KCTD1: variants seen among roughly 807,000 people sequenced by gnomAD.
KCTD1 encodes the protein potassium channel tetramerization domain containing 1.
KCTD1 carries 24 observed loss-of-function variants against 66.0 expected under a neutral mutation model. The observed-to-expected ratio is 0.36, with a 90% CI of 0.26 to 0.51. The LOEUF (loss-of-function observed/expected upper bound fraction) is 0.51, where lower values mean the gene tolerates loss of function less well. Ranked by LOEUF, KCTD1 falls within the 20% of genes least tolerant of loss-of-function variation. The pLI is 0.95. For synonymous variants in KCTD1, 511 were observed against 517.2 expected (o/e 0.99, Z 0.16); for missense variants, 943 against 1,205.2 (o/e 0.78, Z 3.22).
chr18:26,586,095 C>T (rs942947674), intron 1 of KCTD1, among the ~76,000 whole-genome samples: 1 of 152,130 alleles, frequency 6.6e-6, no homozygotes, highest in Middle Eastern at 3.2e-3. Context: ...TATTGTATTT[C>T]GCTTTATAGC....
chr18:26,628,526 A>G (rs1987550516), intron 1 of KCTD1, among the ~76,000 whole-genome samples: 2 of 152,358 alleles, frequency 1.3e-5, no homozygotes, highest in Middle Eastern at 3.4e-3. Flanking sequence ...AAGAAGGTCA[A>G]CTTGAAAGTT....
At chr18:26,551,566 A>T (rs1239227428), upstream of KCTD1, among the ~76,000 whole-genome samples, 1 of 152,132 alleles carries the variant, frequency 6.6e-6, no homozygotes, top group African/African-American at 2.4e-5. Context: ...GGAAAAGAAG[A>T]CGTCTTTGGG....
intron 1 of KCTD1, among the ~76,000 whole-genome samples, chr18:26,538,556 C>A (rs1984820034): frequency 6.6e-6 from 1 of 152,086 alleles, no homozygotes; most frequent in African/African-American, 2.4e-5. Flanking sequence ...CGGTGCAGCA[C>A]CTGGACAAGC....
At chr18:26,585,098 G>C (rs533857507) in intron 1 of KCTD1, among the ~76,000 whole-genome samples, 2 of 151,986 alleles carry the variant, frequency 1.3e-5, no homozygotes, top group Admixed American at 6.6e-5. Context: ...GCTGCCCCCC[G>C]ATACCAGGCT....
chr18:26,656,031 G>A (rs933325482), intron 1 of KCTD1, among the ~76,000 whole-genome samples: 1 of 152,132 alleles, frequency 6.6e-6, no homozygotes, highest in African/African-American at 2.4e-5. Flanking sequence ...AGGGTGGCGG[G>A]AGTGGGTAGG....
At chr18:26,607,308 G>A (rs1002543668) in intron 1 of KCTD1, among the ~76,000 whole-genome samples, 7 of 152,218 alleles carry the variant, frequency 4.6e-5, no homozygotes, top group Non-Finnish European at 8.8e-5. Flanking sequence ...TGGGATTACA[G>A]GCATGAGCCA....
At chr18:26,570,656 C>A (rs1316029423) in intron 1 of KCTD1, among the ~76,000 whole-genome samples, 1 of 152,194 alleles carries the variant, frequency 6.6e-6, no homozygotes, top group African/African-American at 2.4e-5. Context: ...AGATATCCTC[C>A]CACCTCAGCC....
At chr18:26,539,159 T>A (rs1400746447) in intron 1 of KCTD1, among the ~76,000 whole-genome samples, 2 of 152,218 alleles carry the variant, frequency 1.3e-5, no homozygotes, top group African/African-American at 2.4e-5. Flanking sequence ...GAACATACTG[T>A]GGAATCTGAC....
intron 1 of KCTD1, among the ~76,000 whole-genome samples, chr18:26,651,527 T>C (rs1452027039): frequency 6.6e-6 from 1 of 152,122 alleles, no homozygotes; most frequent in Non-Finnish European, 1.5e-5. Flanking sequence ...CTCACACCTG[T>C]AATCCCAGCA....
chr18:26,515,932 T>C (rs552210475), intron 1 of KCTD1, among the ~76,000 whole-genome samples: 35 of 152,116 alleles, frequency 2.3e-4, no homozygotes, highest in Non-Finnish European at 4.7e-4. Flanking sequence ...TTAATTTCAT[T>C]AGATGTTTTT....
chr18:26,616,141 CTT>C (rs11354165), intron 1 of KCTD1, among the ~76,000 whole-genome samples: 220 of 138,100 alleles, frequency 1.6e-3, no homozygotes, highest in Non-Finnish European at 2.2e-3. Flanking sequence ...TTAAGTGTTT[CTT>C]TTTTTTTTTT....
At chr18:26,636,871 C>T (rs951711123) in intron 1 of KCTD1, among the ~76,000 whole-genome samples, 7 of 152,340 alleles carry the variant, frequency 4.6e-5, no homozygotes, top group South Asian at 2.1e-4. Context: ...CCAACCTAGC[C>T]GGCAGTTGCT....
At chr18:26,503,321 AC>A (rs1324225341) in intron 1 of KCTD1, among the ~76,000 whole-genome samples, 1 of 152,146 alleles carries the variant, frequency 6.6e-6, no homozygotes, top group East Asian at 1.9e-4. Context: ...AATAAAAAAA[AC>A]AAGACAGTTG....
chr18:26,548,291 A>T lies in KCTD1; in HGVS notation c.246T>A (p.Gly82=). Residue 82 remains glycine (G), a synonymous_variant, in exon 1 of 5, where the codon GGT becomes GGA. Coordinates refer to ENST00000580059, the MANE Select transcript of KCTD1 (RefSeq NM_001142730.3). ...CCTCCTCGTCCTCCTCCAGCCCCCC[A>T]CCTCCGTCCTCCTCCTCCTCCTCGT... is the stretch of plus-strand genomic sequence containing the variant. ...TGDEEEEEDG[G]GGLEEDEEEE... 1.4e-6 allele frequency: 2 copies of T among 1,416,484 alleles called. No individual in the cohort carries two copies. The highest frequency in any genetic ancestry group is 9.2e-7 in the Non-Finnish European group (1 of 1,083,726). The allele number at this position is 1,416,484 out of a possible 1,614,324, so 87.7% of individuals were successfully genotyped here.
At chr18:26,487,620 A>C (rs375248266) in intron 2 of KCTD1, among the ~76,000 whole-genome samples, 1 of 152,370 alleles carries the variant, frequency 6.6e-6, no homozygotes, top group East Asian at 1.9e-4. Flanking sequence ...TGGTTGGGAA[A>C]TACCCAAGAA....
At chr18:26,625,233 T>C (rs530247293) in intron 1 of KCTD1, among the ~76,000 whole-genome samples, 15 of 152,274 alleles carry the variant, frequency 9.9e-5, no homozygotes, top group Non-Finnish European at 2.2e-4. Flanking sequence ...TGGAGGACTG[T>C]TGGAAAGGCA....
intron 1 of KCTD1, among the ~76,000 whole-genome samples, chr18:26,558,088 G>C (rs1985751380): frequency 1.3e-5 from 2 of 152,210 alleles, no homozygotes; most frequent in African/African-American, 4.8e-5. Flanking sequence ...GAGGCCCCAG[G>C]ACAGTGATCA....
intron 1 of KCTD1, among the ~76,000 whole-genome samples, chr18:26,539,919 C>G (rs1208861602): frequency 6.6e-6 from 1 of 152,060 alleles, no homozygotes; most frequent in Admixed American, 6.6e-5. Context: ...AAGATATTAT[C>G]TATGAACATT....
At chr18:26,550,487 G>T (rs1985512488), upstream of KCTD1, among the ~76,000 whole-genome samples, 2 of 151,822 alleles carry the variant, frequency 1.3e-5, no homozygotes, top group African/African-American at 4.8e-5. This position sits in a 1 kb window ranked among gnomAD's most constrained non-coding sequence, Gnocchi z 5.4. Context: ...GGGAAACCGC[G>T]CCAGGTGTGA....
Sources: gnomAD v4.1 joint callset for allele counts (sites outside exome capture counted in the v4.1 genomes callset) on GRCh38, gnomAD v4.1.1 for gene constraint, Gnocchi (gnomAD v3.1) non-coding constraint, MANE v1.5 for transcripts, NCBI Gene and HGNC (gene_info 2026-07-23, HGNC 2026-07-21) for gene names.